The following IDE variants were observed in gnomAD, a reference collection of about 807,000 sequenced individuals.
IDE encodes the protein insulin-degrading enzyme.
A neutral mutation model predicts 133.2 loss-of-function variants in IDE; 58 were observed. The ratio of observed to expected loss-of-function variants is 0.44; its 90% CI spans 0.35 to 0.54. IDE has a LOEUF of 0.54. Ranked by LOEUF, IDE falls within the 20% of genes least tolerant of loss-of-function variation. The pLI is 0.00. For missense variants in IDE, 981 were observed against 1,234.0 expected (o/e 0.79, Z 3.07); for synonymous variants, 396 against 421.3 (o/e 0.94, Z 0.73).
chr10:92,531,202 C>T (rs1180929136), intron 4 of IDE, among the ~76,000 whole-genome samples: 1 of 152,072 alleles, frequency 6.6e-6, no homozygotes, highest in Non-Finnish European at 1.5e-5. Flanking sequence ...GAAAAAGGTA[C>T]AATTATAAAG....
intron 16 of IDE, among the ~76,000 whole-genome samples, chr10:92,475,473 GGAA>G (rs1214084411): frequency 1.3e-5 from 2 of 152,194 alleles, no homozygotes; most frequent in Non-Finnish European, 2.9e-5. Flanking sequence ...GAATGTAAGT[GGAA>G]GATATGTCAA....
chr10:92,510,846 T>TATGATATATAGCACATATATATCACATAC (rs1848580109), intron 5 of IDE, among the ~76,000 whole-genome samples: 1 of 148,384 alleles, frequency 6.7e-6, no homozygotes, highest in Admixed American at 6.8e-5. Context: ...ATATCACACA[T>TATGATATATAGCACATATATATCACATAC]ATGATATATA....
chr10:92,553,530 C>A (rs1842885598), intron 1 of IDE, among the ~76,000 whole-genome samples: 2 of 151,710 alleles, frequency 1.3e-5, no homozygotes, highest in Non-Finnish European at 2.9e-5. Context: ...ATACTAAAGC[C>A]AGACAAGGAC....
At chr10:92,465,976 G>A in intron 19 of IDE, 133 bp from the exon 20 acceptor site, 2 of 739,550 alleles carry the variant, frequency 2.7e-6, no homozygotes, top group Non-Finnish European at 2.2e-6. Context: ...GAAGCCTGGA[G>A]TTGTATTTCA....
intron 11 of IDE, among the ~76,000 whole-genome samples, chr10:92,501,362 TA>T (rs55861862): frequency 0.15 from 2,842 of 19,128 alleles, 22 homozygotes; most frequent in Non-Finnish European, 0.17. Flanking sequence ...ACTCTGTCAT[TA>T]AAAAAAAAAA....
intron 15 of IDE, chr10:92,478,889 C>T: frequency 2.0e-6 from 1 of 495,030 alleles, no homozygotes; most frequent in Non-Finnish European, 2.8e-6. Flanking sequence ...GCCTCATGAT[C>T]TGGATTTCTA....
chr10:92,493,181 A>G (rs1847468177), intron 11 of IDE, among the ~76,000 whole-genome samples: 1 of 152,176 alleles, frequency 6.6e-6, no homozygotes, highest in Admixed American at 6.6e-5. Context: ...CAGAAATCAT[A>G]TAGCTATATG....
chr10:92,562,898 G>C (rs1843344175), intron 1 of IDE, among the ~76,000 whole-genome samples: 1 of 152,224 alleles, frequency 6.6e-6, no homozygotes, highest in Non-Finnish European at 1.5e-5. Flanking sequence ...CCAGCACTTT[G>C]GGAGGCCAAG....
intron 10 of IDE, 34 bp from the exon 11 acceptor site, chr10:92,504,931 T>G: frequency 1.1e-6 from 1 of 934,924 alleles, no homozygotes. Flanking sequence ...AAATAAAATA[T>G]ACAAAGCTAC....
intron 11 of IDE, chr10:92,497,777 G>C: frequency 1.2e-6 from 1 of 832,434 alleles, no homozygotes; most frequent in South Asian, 5.5e-5. Context: ...CAGTCACAGA[G>C]ACCAATCCTG....
Position 92,465,819 on chromosome 10 carries a change from C to T in IDE, c.2345G>A (p.Arg782Lys). ...PDRGWFVYQQ[R>K]NEVHNNCGIE... ...GCCACAGTTATTGTGAACTTCATTT[C>T]TCTGCTGATAAACAAACCATCCTCC... Residue 782 changes from arginine to lysine, a missense_variant, in exon 20 of 25, where the codon AGA (arginine) becomes AAA (lysine). Transcript: ENST00000265986. 6.2e-7 allele frequency: 1 copy of T among 1,614,082 alleles called. No individual in the cohort carries two copies. The highest frequency in any genetic ancestry group is 8.5e-7 in the Non-Finnish European group (1 of 1,179,990).
Position 92,510,155 on chromosome 10 carries a change from TA to T in IDE, c.791del (p.Leu264Ter). 1 of 1,507,700 alleles carries T rather than the reference TA, an allele frequency of 6.6e-7. No individual in the cohort carries two copies. Among genetic ancestry groups the T allele is most frequent in the Non-Finnish European group, 9.2e-7 (1 of 1,088,966 alleles). The allele number at this position is 1,507,700 out of a possible 1,614,324, so 93.4% of individuals were successfully genotyped here. A position where few individuals can be genotyped will look rare whatever the true frequency, so the allele number is the denominator to read the frequency against. On this transcript the variant is annotated frameshift_variant, in exon 6 of 25. Coordinates refer to ENST00000265986, the MANE Select transcript of IDE (RefSeq NM_004969.4). LOFTEE classifies it high-confidence loss of function. ...MAVCVLGRESLDDLTNLVVKL... is the reference protein window; with the variant it reads ...MAVCVLGRESXDDLTNLVVKL... ...TTACCACCAGATTAGTCAAGTCATC[TA>T]AAGATTCTACAAGAAAACAGACAAG...
At chr10:92,553,663 T>C (rs1842891492) in intron 1 of IDE, among the ~76,000 whole-genome samples, 1 of 151,994 alleles carries the variant, frequency 6.6e-6, no homozygotes, top group African/African-American at 2.4e-5. Context: ...TTACAACTGA[T>C]ACCGCAAAAA....
chr10:92,515,261 CTTTT>C (rs1220283000), intron 4 of IDE, among the ~76,000 whole-genome samples: 1 of 139,006 alleles, frequency 7.2e-6, no homozygotes, highest in African/African-American at 2.6e-5. Context: ...TTAAAAGTGT[CTTTT>C]TTTTTTTTTT....
intron 1 of IDE, among the ~76,000 whole-genome samples, chr10:92,567,658 C>T (rs1019445617): frequency 6.6e-6 from 1 of 152,282 alleles, no homozygotes; most frequent in Non-Finnish European, 1.5e-5. Context: ...TGAACCTTTG[C>T]TAATACCATT....
At chr10:92,493,195 G>C (rs1372085241) in intron 11 of IDE, among the ~76,000 whole-genome samples, 1 of 152,116 alleles carries the variant, frequency 6.6e-6, no homozygotes, top group African/African-American at 2.4e-5. Flanking sequence ...CTATATGAAG[G>C]GTGTATGGTA....
chr10:92,456,505 A>G, intron 22 of IDE, 74 bp from the exon 23 acceptor site: 3 of 989,914 alleles, frequency 3.0e-6, no homozygotes, highest in South Asian at 1.3e-5. Flanking sequence ...TCTGAAGACT[A>G]TGAAGAATCA....
chr10:92,507,366 G>A (rs905410323), intron 9 of IDE, among the ~76,000 whole-genome samples: 2 of 152,074 alleles, frequency 1.3e-5, no homozygotes, highest in African/African-American at 4.8e-5. Flanking sequence ...AGGGCTACAC[G>A]ATGCCTTTCC....
At chr10:92,565,245 GA>G (rs1157438934) in intron 1 of IDE, among the ~76,000 whole-genome samples, 118 of 93,146 alleles carry the variant, frequency 1.3e-3, no homozygotes, top group African/African-American at 2.5e-3. Flanking sequence ...CTCTGTCTCA[GA>G]AAAAAAAAAA....
Sources: gnomAD v4.1 joint callset for allele counts (sites outside exome capture counted in the v4.1 genomes callset) on GRCh38, gnomAD v4.1.1 for gene constraint, MANE v1.5 for transcripts, NCBI Gene and HGNC (gene_info 2026-07-23, HGNC 2026-07-21) for gene names.